Variants in LGR6 observed in about 807,000 individuals in gnomAD.
LGR6 encodes leucine-rich repeat-containing G protein-coupled receptor 6.
In LGR6, 45 loss-of-function variants were observed where a neutral mutation model predicts 69.4. The observed-to-expected ratio is 0.65, with a 90% CI of 0.51 to 0.83. The LOEUF (loss-of-function observed/expected upper bound fraction) is 0.83, where lower values mean the gene tolerates loss of function less well. LGR6 is among the 40% of genes least tolerant of loss of function. The pLI is 0.00. For missense variants in LGR6, 1,108 were observed against 1,246.7 expected, an observed-to-expected ratio of 0.89 and a Z score of 1.68; for synonymous variants, 538 against 555.0, an observed-to-expected ratio of 0.97 and a Z score of 0.43.
At chr1:202,251,860 A>G (rs1663280278) in intron 4 of LGR6, among the ~76,000 whole-genome samples, 1 of 142,678 alleles carries the variant, frequency 7.0e-6, no homozygotes. Flanking sequence ...GAGATGGGAA[A>G]GTGGAGAGGG....
intron 4 of LGR6, among the ~76,000 whole-genome samples, chr1:202,261,483 T>C (rs186859463): frequency 1.0e-3 from 157 of 152,330 alleles, no homozygotes; most frequent in Non-Finnish European, 2.0e-3. Flanking sequence ...CAGTCTATCA[T>C]TGTTGGACAT....
intron 1 of LGR6, among the ~76,000 whole-genome samples, chr1:202,204,907 A>C (rs1429434710): frequency 3.1e-3 from 10 of 3,182 alleles, no homozygotes; most frequent in South Asian, 0.013. Context: ...CACACCTCCA[A>C]ACACACACAC....
At chr1:202,313,213 C>A (rs1489103011) in intron 16 of LGR6, among the ~76,000 whole-genome samples, 2 of 147,320 alleles carry the variant, frequency 1.4e-5, no homozygotes, top group Non-Finnish European at 3.0e-5. Context: ...GGCAACAGAG[C>A]GAGACTCCAT....
rs150105217 is a variant in LGR6 at position 202,318,250 on chromosome 1, A to C, written c.1947A>C (p.Ala649=). 6.2e-7 allele frequency: 1 copy of C among 1,611,212 alleles called. No individual in the cohort carries two copies. Among genetic ancestry groups the C allele is most frequent in the Non-Finnish European group, 8.5e-7 (1 of 1,178,798 alleles). The change falls in exon 18 of 18, where the codon GCA becomes GCC. Residue 649 remains alanine, a synonymous_variant. Coordinates refer to ENST00000367278, the MANE Select transcript of LGR6 (RefSeq NM_001017403.2). ...GCTGCCGGGCCACTGGCTTCCTGGCAGTACTTGGGTCGGAGGCATCGGTGC... is the reference window on the plus strand; with the variant it reads ...GCTGCCGGGCCACTGGCTTCCTGGCCGTACTTGGGTCGGAGGCATCGGTGC... ...GLGCRATGFL[A]VLGSEASVLL... is the part of the protein sequence containing the mutation.
intron 13 of LGR6, 125 bp from the exon 14 acceptor site, chr1:202,307,205 A>G: frequency 2.1e-6 from 2 of 950,572 alleles, no homozygotes; most frequent in Non-Finnish European, 3.3e-6. Context: ...TACCTTCCCC[A>G]AAAGGCAAAG....
At chr1:202,205,150 C>CCAAACA (rs1553238332) in intron 1 of LGR6, among the ~76,000 whole-genome samples, 2 of 23,126 alleles carry the variant, frequency 8.6e-5, no homozygotes, top group Non-Finnish European at 1.8e-4. Context: ...ACACACACCT[C>CCAAACA]CACACACACC....
chr1:202,310,904 C>T (rs1331495645), intron 16 of LGR6, among the ~76,000 whole-genome samples: 1 of 152,080 alleles, frequency 6.6e-6, no homozygotes, highest in African/African-American at 2.4e-5. Context: ...GTGAGACTTC[C>T]GTGGCCGCCA....
At chr1:202,264,225 T>C (rs1039640616) in intron 4 of LGR6, among the ~76,000 whole-genome samples, 6 of 152,208 alleles carry the variant, frequency 3.9e-5, no homozygotes, top group South Asian at 2.1e-4. Context: ...ATGGTTGATA[T>C]GGACTTTTCC....
intron 16 of LGR6, among the ~76,000 whole-genome samples, chr1:202,311,750 G>T (rs1167847923): frequency 6.6e-6 from 1 of 152,234 alleles, no homozygotes; most frequent in Non-Finnish European, 1.5e-5. Context: ...CATAAATGAT[G>T]AAGTATGCTC....
intron 5 of LGR6, among the ~76,000 whole-genome samples, chr1:202,278,190 G>C (rs921929340): frequency 1.3e-5 from 2 of 152,182 alleles, no homozygotes; most frequent in African/African-American, 4.8e-5. Flanking sequence ...GAGACAGGAA[G>C]GTCAGTTCAG....
At chr1:202,206,454 T>C (rs1659235706) in intron 1 of LGR6, among the ~76,000 whole-genome samples, 1 of 152,192 alleles carries the variant, frequency 6.6e-6, no homozygotes, top group South Asian at 2.1e-4. Flanking sequence ...CAGGATCCCT[T>C]CACAGACATG....
At chr1:202,249,003 T>A (rs1399655531) in intron 4 of LGR6, among the ~76,000 whole-genome samples, 4 of 151,794 alleles carry the variant, frequency 2.6e-5, no homozygotes, top group African/African-American at 4.8e-5. Flanking sequence ...AAAGAAACTT[T>A]CTTTGAGCAT....
intron 4 of LGR6, among the ~76,000 whole-genome samples, chr1:202,274,023 TAGG>T: frequency 6.6e-6 from 1 of 152,082 alleles, no homozygotes; most frequent in Admixed American, 6.5e-5. Flanking sequence ...TTTCCAGGGT[TAGG>T]AGGAGAGTCT....
chr1:202,236,091 C>T (rs866692995), intron 4 of LGR6, 98 bp downstream of exon 4: 46 of 951,516 alleles, frequency 4.8e-5, no homozygotes, highest in Non-Finnish European at 6.7e-5. Flanking sequence ...CCTCTGCAGG[C>T]GCCCCCTCTC....
At chr1:202,296,119 CT>C (rs1295185876) in intron 6 of LGR6, among the ~76,000 whole-genome samples, 1 of 152,146 alleles carries the variant, frequency 6.6e-6, no homozygotes, top group Admixed American at 6.5e-5. Flanking sequence ...TGTGGTCCCC[CT>C]GCCCTGGCTT....
chr1:202,204,691 C>A (rs1293450653), intron 1 of LGR6, among the ~76,000 whole-genome samples: 8 of 21,296 alleles, frequency 3.8e-4, no homozygotes, highest in East Asian at 2.5e-3. Context: ...ACACACACAC[C>A]CCCAAACACA....
In LGR6 at chr1:202,214,209, G is replaced by T. The variant is rs78418110; in HGVS notation, c.213-11214G>T. ...GAGGGCGGGACAGAACCTCTCCCGG[G>T]CTGGGAGTGCACGGCGCGGTGCGCC... On this transcript the variant is annotated intron_variant, in intron 1 of 17. Coordinates refer to ENST00000367278, the MANE Select transcript of LGR6 (RefSeq NM_001017403.2). The T allele has an allele frequency of 2.2e-4, 347 of 1,542,338 alleles. 2 individuals carry two copies. The East Asian group carries it at 6.8e-3, about 30-fold the overall frequency.
chr1:202,220,510 C>T (rs766872667), intron 1 of LGR6, among the ~76,000 whole-genome samples: 4 of 152,190 alleles, frequency 2.6e-5, no homozygotes, highest in South Asian at 2.1e-4. Context: ...TGAGTCACCA[C>T]GCCCGGCCCA....
At position 202,310,274 on chromosome 1, in the gene LGR6, G is replaced by T; in HGVS notation, c.1484G>T (p.Trp495Leu). 6.2e-7 allele frequency: 1 copy of T among 1,614,094 alleles called. No homozygotes were observed. The highest frequency in any genetic ancestry group is 8.5e-7 in the Non-Finnish European group (1 of 1,180,006). The change falls in exon 16 of 18, where the codon TGG (tryptophan) becomes TTG (leucine). Residue 495 changes from tryptophan (W) to leucine (L), a missense_variant. By Grantham distance (61) the Trp-to-Leu change is moderately conservative. Transcript: ENST00000367278. ...AGCTTCTTCAAGGCCTCTGGGCAGTGGGAGGCTGAAGACCTTCACCTTGAT... is the reference window on the plus strand; with the variant it reads ...AGCTTCTTCAAGGCCTCTGGGCAGTTGGAGGCTGAAGACCTTCACCTTGAT... ...CASFFKASGQ[W>L]EAEDLHLDDE...
Sources: gnomAD v4.1 joint callset for allele counts (sites outside exome capture counted in the v4.1 genomes callset) on GRCh38, gnomAD v4.1.1 for gene constraint, MANE v1.5 for transcripts, NCBI Gene and HGNC (gene_info 2026-07-23, HGNC 2026-07-21) for gene names.